RAI1: variants seen among roughly 807,000 people sequenced by gnomAD.
RAI1 encodes retinoic acid induced 1.
In RAI1, 9 loss-of-function variants were observed where a neutral mutation model predicts 123.8. The ratio of observed to expected loss-of-function variants is 0.07; its 90% CI spans 0.04 to 0.13. RAI1 has a LOEUF of 0.13. Among genes scored for constraint, RAI1 ranks in the 10% least tolerant of loss-of-function variants. The pLI is 1.00. For synonymous variants in RAI1, 1,231 were observed against 1,127.3 expected (o/e 1.09, Z -1.84); for missense variants, 2,256 against 2,545.8 (o/e 0.89, Z 2.45).
intron 1 of RAI1, among the ~76,000 whole-genome samples, chr17:17,702,703 GGGGTTT>G (rs1567832741): frequency 1.3e-5 from 2 of 152,226 alleles, no homozygotes; most frequent in Non-Finnish European, 2.9e-5. Flanking sequence ...GAGGCTCACA[GGGGTTT>G]AGCACCTCCC....
Position 17,794,677 on chromosome 17 carries a change from G to A in RAI1, c.1729G>A (p.Gly577Ser), listed in dbSNP as rs141458634. The change falls in exon 3 of 6, where the codon GGC (glycine) becomes AGC (serine). Residue 577 changes from glycine to serine, a missense_variant. Physicochemically the swap from Gly to Ser is moderately conservative, Grantham distance 56. Transcript: ENST00000353383. Reference sequence around the variant, plus strand: ...TGACGACTCCTTCCAGAGCCTACACGGCAGTCTGCCGCTCGACAGCTTCTC... The same window carrying A: ...TGACGACTCCTTCCAGAGCCTACACAGCAGTCTGCCGCTCGACAGCTTCTC... ...KSDDSFQSLH[G>S]SLPLDSFSKF... is the part of the protein sequence containing the mutation. 112 of 1,612,886 alleles carry A rather than the reference G, an allele frequency of 6.9e-5. No homozygotes were observed. The highest frequency in any genetic ancestry group is 8.6e-5 in the Non-Finnish European group (102 of 1,180,036).
In RAI1 at chr17:17,714,277, C is replaced by T. The variant is rs1915648125; in HGVS notation, c.-148-9751C>T. On this transcript the variant is annotated intron_variant, in intron 1 of 5. Coordinates refer to ENST00000353383, the MANE Select transcript of RAI1 (RefSeq NM_030665.4). This position sits in a 1 kb window ranked among gnomAD's most constrained non-coding sequence, Gnocchi z 4.9. ...TGCCTACCTTGGCCACTGGGAGGTT[C>T]TGAAGAGACTGGAGGACCAGCAGCC... Among the ~76,000 whole-genome samples, 1 of 151,992 alleles carries T rather than the reference C, an allele frequency of 6.6e-6. No homozygotes were observed. Among genetic ancestry groups the T allele is most frequent in the Non-Finnish European group, 1.5e-5 (1 of 68,008 alleles).
At chr17:17,736,889 A>G (rs1916449944) in intron 2 of RAI1, among the ~76,000 whole-genome samples, 2 of 152,160 alleles carry the variant, frequency 1.3e-5, no homozygotes, top group South Asian at 4.1e-4. Context: ...GTATTTCTGG[A>G]AATAAAATAG....
rs773825953 is a variant in RAI1, at chr17:17,793,749, T to C, written c.801T>C (p.His267=). 5 of 1,612,518 alleles carry C rather than the reference T, an allele frequency of 3.1e-6. No homozygotes were observed. The Admixed American group carries it at 5.0e-5, about 16-fold the overall frequency. Residue 267 remains histidine (H), a synonymous_variant, in exon 3 of 6, where the codon CAT becomes CAC. Transcript: ENST00000353383. ...CGGGGCAGCGGGTCCAGAATCTTCA[T>C]GCCTACCAGTCGGGCCGCCTCAGCT... ...LAPGQRVQNL[H]AYQSGRLSYD...
Position 17,796,188 on chromosome 17 carries a change from C to G in RAI1, c.3240C>G (p.Pro1080=), listed in dbSNP as rs2032238627. ...CAGGCCTGACCACCACCCCTGCACC[C>G]CCAGACAAACTGGGGGGCAAGCAGC... ...GPPGLTTTPA[P]PDKLGGKQRA... The change falls in exon 3 of 6, where the codon CCC becomes CCG. Residue 1080 remains proline (P), a synonymous_variant. Transcript: ENST00000353383. This position sits in a 1 kb window ranked among gnomAD's most constrained non-coding sequence, Gnocchi z 5.8. 3 of 1,554,272 alleles carry G rather than the reference C, an allele frequency of 1.9e-6. No individual in the cohort carries two copies. In the African/African-American group the frequency reaches 4.1e-5, roughly 21 times the overall value.
At chr17:17,741,113 T>A (rs999284781) in intron 2 of RAI1, among the ~76,000 whole-genome samples, 5 of 147,360 alleles carry the variant, frequency 3.4e-5, no homozygotes, top group Admixed American at 6.7e-5. Context: ...ACACACACAC[T>A]CGCGCACGCA....
rs370508336 is a variant in RAI1 at position 17,795,454 on chromosome 17, C to T, written c.2506C>T (p.Arg836Trp). 74 of 1,587,108 alleles carry T rather than the reference C, an allele frequency of 4.7e-5. No homozygotes were observed. Among genetic ancestry groups the T allele is most frequent in the Non-Finnish European group, 6.0e-5 (70 of 1,166,440 alleles). The change falls in exon 3 of 6, where the codon CGG (arginine) becomes TGG (tryptophan). Residue 836 changes from arginine (R) to tryptophan (W), a missense_variant. Around this residue, in one of 7 missense-constraint regions of RAI1, gnomAD observed 566 missense variants for 616.0 expected, o/e 0.92. Coordinates refer to ENST00000353383, the MANE Select transcript of RAI1 (RefSeq NM_030665.4). This position sits in a 1 kb window ranked among gnomAD's most constrained non-coding sequence, Gnocchi z 5.9. ...LQCPEVAKAD[R>W]WLEDSRHCCS... ...GTGCCCCGAGGTGGCCAAGGCTGAC[C>T]GGTGGCTGGAGGACAGCCGGCACTG...
intron 2 of RAI1, among the ~76,000 whole-genome samples, chr17:17,761,930 C>A (rs559740662): frequency 6.6e-6 from 1 of 152,004 alleles, no homozygotes; most frequent in East Asian, 1.9e-4. Flanking sequence ...GGGAGGGAGG[C>A]ATGGGAGGGA....
chr17:17,731,943 A>T (rs1916285438), intron 2 of RAI1, among the ~76,000 whole-genome samples: 1 of 152,038 alleles, frequency 6.6e-6, no homozygotes, highest in African/African-American at 2.4e-5. Flanking sequence ...ACAGAGAGGG[A>T]GGAACAGTGC....
chr17:17,692,511 C>G (rs1220932022), intron 1 of RAI1, among the ~76,000 whole-genome samples: 2 of 152,222 alleles, frequency 1.3e-5, no homozygotes, highest in Non-Finnish European at 2.9e-5. Context: ...TGAGGTCACA[C>G]AGCAACCAAG....
chr17:17,783,271 G>A (rs184667562), intron 2 of RAI1, among the ~76,000 whole-genome samples: 2 of 152,110 alleles, frequency 1.3e-5, no homozygotes, highest in South Asian at 2.1e-4. Flanking sequence ...GCCCTTCGCC[G>A]GCGGAGAACT....
At chr17:17,783,043 G>C (rs1368249783) in intron 2 of RAI1, among the ~76,000 whole-genome samples, 3 of 149,388 alleles carry the variant, frequency 2.0e-5, no homozygotes, top group African/African-American at 7.4e-5. Flanking sequence ...GCGGCTACGG[G>C]AGAATCAGGG....
chr17:17,750,535 A>C (rs1025019579), intron 2 of RAI1, among the ~76,000 whole-genome samples: 2 of 151,810 alleles, frequency 1.3e-5, no homozygotes, highest in African/African-American at 4.8e-5. Flanking sequence ...CAGCCTAACC[A>C]ACATGGAGAA....
intron 1 of RAI1, among the ~76,000 whole-genome samples, chr17:17,690,139 T>A (rs9897596): frequency 6.6e-6 from 1 of 151,848 alleles, no homozygotes; most frequent in African/African-American, 2.4e-5. Context: ...AATCCCAGCA[T>A]TTTGGGAGGC....
At chr17:17,687,046 C>T (rs1039359238) in intron 1 of RAI1, among the ~76,000 whole-genome samples, 8 of 152,036 alleles carry the variant, frequency 5.3e-5, no homozygotes, top group Non-Finnish European at 5.9e-5. Flanking sequence ...TGCAATGGTG[C>T]GATCTCAGCT....
chr17:17,711,629 T>C (rs1017832457), intron 1 of RAI1, among the ~76,000 whole-genome samples: 1 of 152,188 alleles, frequency 6.6e-6, no homozygotes, highest in African/African-American at 2.4e-5. Flanking sequence ...AGGCAAACCT[T>C]AGAGGACCTA....
chr17:17,755,823 G>A (rs1047996591), intron 2 of RAI1, among the ~76,000 whole-genome samples: 4 of 152,126 alleles, frequency 2.6e-5, no homozygotes, highest in South Asian at 2.1e-4. Flanking sequence ...TGTCAAGCCC[G>A]CCTTCTCTTC....
At position 17,800,206 on chromosome 17, in the gene RAI1, C is replaced by G. The variant is rs938364340; in HGVS notation, c.5565+1693C>G. Among the ~76,000 whole-genome samples the G allele has an allele frequency of 1.2e-3, 185 of 150,814 alleles. 4 individuals carry two copies. Among genetic ancestry groups the G allele is most frequent in the East Asian group, 0.012 (63 of 5,156 alleles). On this transcript the variant is annotated intron_variant, in intron 3 of 5. Coordinates refer to ENST00000353383, the MANE Select transcript of RAI1 (RefSeq NM_030665.4). This position sits in a 1 kb window ranked among gnomAD's most constrained non-coding sequence, Gnocchi z 4.7. ...TCTCTCTCTCTCTCTCTCTCTCTCTCTCTCTCTCTCTCTCTCTCTCTCATT... is the reference window on the plus strand; with the variant it reads ...TCTCTCTCTCTCTCTCTCTCTCTCTGTCTCTCTCTCTCTCTCTCTCTCATT...
Position 17,795,592 on chromosome 17 carries a change from G to A in RAI1, c.2644G>A (p.Glu882Lys), listed in dbSNP as rs757023203. Reference sequence around the variant, plus strand: ...CCTATGTGAGCTCCTGGGCAGCCCCGAGCAGAGGCCTGGCATGCAGGACCC... The same window carrying A: ...CCTATGTGAGCTCCTGGGCAGCCCCAAGCAGAGGCCTGGCATGCAGGACCC... ...SSLCELLGSP[E>K]QRPGMQDPLS... Residue 882 changes from glutamate to lysine, a missense_variant, in exon 3 of 6, where the codon GAG (glutamate) becomes AAG (lysine). Glu to Lys is a moderately conservative substitution (Grantham distance 56). Coordinates refer to ENST00000353383, the MANE Select transcript of RAI1 (RefSeq NM_030665.4). This position sits in a 1 kb window ranked among gnomAD's most constrained non-coding sequence, Gnocchi z 5.9. 41 of 1,612,712 alleles carry A rather than the reference G, an allele frequency of 2.5e-5. No homozygotes were observed. Among genetic ancestry groups the A allele is most frequent in the Admixed American group, 5.0e-5 (3 of 59,950 alleles).
Sources: gnomAD v4.1 joint callset for allele counts (sites outside exome capture counted in the v4.1 genomes callset) on GRCh38, gnomAD v4.1.1 for gene constraint, gnomAD v4.1.1 regional missense constraint, Gnocchi (gnomAD v3.1) non-coding constraint, MANE v1.5 for transcripts, NCBI Gene and HGNC (gene_info 2026-07-23, HGNC 2026-07-21) for gene names.